The following PTPRD variants were observed in gnomAD, a reference collection of about 807,000 sequenced individuals.
PTPRD encodes the protein protein tyrosine phosphatase receptor type D, also known as receptor-type tyrosine-protein phosphatase delta.
PTPRD carries 34 observed loss-of-function variants against 214.5 expected under a neutral mutation model. The observed-to-expected ratio is 0.16, with a 90% CI of 0.12 to 0.21. The LOEUF is 0.21. Among genes scored for constraint, PTPRD ranks in the 10% least tolerant of loss-of-function variants. The pLI is 1.00. For synonymous variants in PTPRD, 1,128 were observed against 845.7 expected (o/e 1.33, Z -5.79); for missense variants, 2,545 against 2,398.7 (o/e 1.06, Z -1.27).
chr9:9,762,467 T>C (rs2154476493), intron 6 of PTPRD, among the ~76,000 whole-genome samples: 1 of 152,326 alleles, frequency 6.6e-6, no homozygotes, highest in Admixed American at 6.5e-5. Context: ...AACAGTTTGT[T>C]CTTCAATTCC....
intron 10 of PTPRD, among the ~76,000 whole-genome samples, chr9:9,170,449 C>A (rs561188606): frequency 1.3e-5 from 2 of 152,300 alleles, no homozygotes; most frequent in Admixed American, 1.3e-4. Context: ...CCTGCTTTTG[C>A]TACCTCATTA....
At chr9:9,679,489 G>T (rs2097018179) in intron 7 of PTPRD, among the ~76,000 whole-genome samples, 1 of 151,814 alleles carries the variant, frequency 6.6e-6, no homozygotes, top group Non-Finnish European at 1.5e-5. Flanking sequence ...GGATCCCCCT[G>T]TGAATTAATC....
chr9:9,554,266 T>C (rs1365888448), intron 8 of PTPRD, among the ~76,000 whole-genome samples: 1 of 152,094 alleles, frequency 6.6e-6, no homozygotes, highest in African/African-American at 2.4e-5. Context: ...CACCAGAGAA[T>C]GTCCATTCAA....
chr9:9,194,289 G>A (rs1002130996), intron 9 of PTPRD, among the ~76,000 whole-genome samples: 1 of 152,086 alleles, frequency 6.6e-6, no homozygotes, highest in Non-Finnish European at 1.5e-5. Context: ...TTAACTTTTT[G>A]TTTATAGGTG....
intron 9 of PTPRD, among the ~76,000 whole-genome samples, chr9:9,233,702 A>G (rs541171510): frequency 1.4e-4 from 22 of 152,366 alleles, no homozygotes; most frequent in East Asian, 1.9e-4. Context: ...GACCAAAAAA[A>G]GGGGCTATAG....
chr9:9,379,762 T>G (rs995327521), intron 9 of PTPRD, among the ~76,000 whole-genome samples: 10 of 152,024 alleles, frequency 6.6e-5, no homozygotes, highest in African/African-American at 2.4e-4. Flanking sequence ...TTGTTAGATT[T>G]CTACCTACTG....
intron 14 of PTPRD, among the ~76,000 whole-genome samples, chr9:8,594,689 C>T (rs1182222012): frequency 2.6e-5 from 4 of 152,034 alleles, no homozygotes; most frequent in African/African-American, 9.7e-5. Context: ...TCTGTCTTGC[C>T]TGCGGCCATG....
intron 11 of PTPRD, among the ~76,000 whole-genome samples, chr9:8,818,654 T>G (rs372920180): frequency 6.6e-6 from 1 of 152,236 alleles, no homozygotes; most frequent in African/African-American, 2.4e-5. Flanking sequence ...GAATTAGTAT[T>G]ATATTCATTT....
At chr9:8,776,941 AC>A (rs1213209366) in intron 11 of PTPRD, among the ~76,000 whole-genome samples, 1 of 148,000 alleles carries the variant, frequency 6.8e-6, no homozygotes, top group Non-Finnish European at 1.5e-5. Context: ...ATGATGTAAT[AC>A]ATATGTATAG....
At chr9:8,967,391 T>C (rs1345650917) in intron 11 of PTPRD, among the ~76,000 whole-genome samples, 1 of 152,086 alleles carries the variant, frequency 6.6e-6, no homozygotes, top group Admixed American at 6.6e-5. Flanking sequence ...TGTGGCACTA[T>C]CCACAATGGC....
chr9:9,744,253 T>C (rs1216537671), intron 6 of PTPRD, among the ~76,000 whole-genome samples: 1 of 152,132 alleles, frequency 6.6e-6, no homozygotes, highest in Non-Finnish European at 1.5e-5. Context: ...TAATTGGAAA[T>C]ACACATTTTA....
In PTPRD at chr9:9,869,737, C is replaced by A. The variant is rs144866505; in HGVS notation, c.-368+68770G>T. 8.0e-3 allele frequency among the ~76,000 whole-genome samples: 1,212 copies of A among 151,402 alleles called. 15 individuals are homozygous for A. Among genetic ancestry groups the A allele is most frequent in the African/African-American group, 0.024 (990 of 41,296 alleles). On this transcript the variant is annotated intron_variant, in intron 5 of 45. Transcript: ENST00000381196. Reference sequence around the variant, plus strand: ...AGGAAAATCTAGAATGTGGAACATTCTATAAATTAGTAACAAAAACAGTTT... The same window carrying A: ...AGGAAAATCTAGAATGTGGAACATTATATAAATTAGTAACAAAAACAGTTT...
chr9:9,786,842 C>T (rs1290366732), intron 5 of PTPRD, among the ~76,000 whole-genome samples: 3 of 152,062 alleles, frequency 2.0e-5, no homozygotes, highest in East Asian at 3.9e-4. Context: ...TTATTAACTT[C>T]ATATTTTTAC....
intron 8 of PTPRD, among the ~76,000 whole-genome samples, chr9:9,492,190 C>T (rs1447665723): frequency 6.6e-6 from 1 of 151,434 alleles, no homozygotes; most frequent in Non-Finnish European, 1.5e-5. Flanking sequence ...AAGACTAAAT[C>T]ATGTAGAACA....
intron 2 of PTPRD, among the ~76,000 whole-genome samples, chr9:10,572,078 G>A (rs560335222): frequency 2.0e-5 from 3 of 152,206 alleles, no homozygotes; most frequent in South Asian, 4.1e-4. Flanking sequence ...AACAGTGACA[G>A]GAAACATTGA....
At position 9,704,187 on chromosome 9, in the gene PTPRD, C is replaced by T. The variant is rs57899589; in HGVS notation, c.-287+30346G>A. Among the ~76,000 whole-genome samples the T allele has an allele frequency of 1.1e-3, 161 of 152,222 alleles. 1 individual carries two copies. Among genetic ancestry groups the T allele is most frequent in the African/African-American group, 3.3e-3 (139 of 41,554 alleles). ...CGTGGGTCTCCTTCAAACTCAAGTA[C>T]AGCACATCTACATACATTTTAACGA... On this transcript the variant is annotated intron_variant, in intron 7 of 45. Transcript: ENST00000381196.
At chr9:9,853,559 GT>G (rs956772209) in intron 5 of PTPRD, among the ~76,000 whole-genome samples, 4 of 150,564 alleles carry the variant, frequency 2.7e-5, no homozygotes, top group African/African-American at 7.3e-5. Context: ...TTGTTTTTTG[GT>G]TTTTTTTTAG....
intron 2 of PTPRD, among the ~76,000 whole-genome samples, chr9:10,426,895 T>C (rs1432300073): frequency 2.0e-5 from 3 of 152,054 alleles, no homozygotes; most frequent in Non-Finnish European, 4.4e-5. Flanking sequence ...AATCTTCCAA[T>C]GTTATAAATT....
intron 3 of PTPRD, among the ~76,000 whole-genome samples, chr9:10,264,505 C>T (rs957232888): frequency 7.9e-5 from 12 of 152,176 alleles, no homozygotes. Flanking sequence ...TTTGGACTTG[C>T]ATGGGGCCTT....
Sources: gnomAD v4.1 joint callset for allele counts (sites outside exome capture counted in the v4.1 genomes callset) on GRCh38, gnomAD v4.1.1 for gene constraint, MANE v1.5 for transcripts, NCBI Gene and HGNC (gene_info 2026-07-23, HGNC 2026-07-21) for gene names.